LEMD3: variants seen among roughly 807,000 people sequenced by gnomAD.
The protein encoded by LEMD3 is LEM domain containing 3.
LEMD3 carries 33 observed loss-of-function variants against 95.2 expected under a neutral mutation model. The ratio of observed to expected loss-of-function variants is 0.35; its 90% CI spans 0.26 to 0.46. The LOEUF (loss-of-function observed/expected upper bound fraction) is 0.46, where lower values mean the gene tolerates loss of function less well. Ranked by LOEUF, LEMD3 falls within the 20% of genes least tolerant of loss-of-function variation. The pLI is 1.00. For synonymous variants in LEMD3, 525 were observed against 474.6 expected (o/e 1.11, Z -1.38); for missense variants, 1,210 against 1,192.8 (o/e 1.01, Z -0.21).
At chr12:65,213,570 G>C (rs1870010366) in intron 2 of LEMD3, among the ~76,000 whole-genome samples, 1 of 152,160 alleles carries the variant, frequency 6.6e-6, no homozygotes, top group Non-Finnish European at 1.5e-5. Context: ...AAAAACTATA[G>C]TTGAGCTTTC....
In LEMD3 at chr12:65,172,396, G is replaced by C. The variant is rs144456958; in HGVS notation, c.1522+1278G>C. Among the ~76,000 whole-genome samples the C allele has an allele frequency of 8.5e-5, 13 of 152,224 alleles. No individual in the cohort carries two copies. The East Asian group carries it at 2.5e-3, about 29-fold the overall frequency. ...AGTTTTATTTCAAAATAGAGTGAAA[G>C]ATGCAGTTAGCCAACTCAGATAAAG... On this transcript the variant is annotated intron_variant, in intron 1 of 12. Coordinates refer to ENST00000308330, the MANE Select transcript of LEMD3 (RefSeq NM_014319.5).
intron 1 of LEMD3, among the ~76,000 whole-genome samples, chr12:65,202,940 A>G (rs1592442714): frequency 1.3e-5 from 2 of 151,966 alleles, no homozygotes; most frequent in East Asian, 3.9e-4. Flanking sequence ...TCTCTTTCTT[A>G]GCTAGCCCAC....
Position 65,170,975 on chromosome 12 carries a change from A to G in LEMD3, c.1379A>G (p.Glu460Gly), listed in dbSNP as rs1217297629. 1.2e-6 allele frequency: 2 copies of G among 1,614,214 alleles called. No individual in the cohort carries two copies. The highest frequency in any genetic ancestry group is 1.1e-5 in the South Asian group (1 of 91,082). ...GAACTTCTCCAGCAATTTAAACGGG[A>G]GGAGGTGTCCCCAACAGGGAGTTTC... ...EEELLQQFKR[E>G]EVSPTGSFSA... Residue 460 changes from glutamate (E) to glycine (G), a missense_variant, in exon 1 of 13, where the codon GAG (glutamate) becomes GGG (glycine). Glu to Gly is a moderately conservative substitution (Grantham distance 98). Around this residue, in one of 2 missense-constraint regions of LEMD3, gnomAD observed 461 missense variants for 569.8 expected, o/e 0.81. Transcript: ENST00000308330.
In LEMD3 at chr12:65,245,727, G is replaced by C; in HGVS notation, c.2446G>C (p.Asp816His). 1 of 1,613,916 alleles carries C rather than the reference G, an allele frequency of 6.2e-7. No homozygotes were observed. The highest frequency in any genetic ancestry group is 8.5e-7 in the Non-Finnish European group (1 of 1,179,880). Residue 816 changes from aspartate (D) to histidine (H), a missense_variant, in exon 11 of 13, where the codon GAT becomes CAT. Physicochemically the swap from Asp to His is moderately conservative, Grantham distance 81. Transcript: ENST00000308330. ...AGAAGCAATTTTAGAAAAATGCAGTGATAATGATGGCATTGTTCACATTGC... is the reference window on the plus strand; with the variant it reads ...AGAAGCAATTTTAGAAAAATGCAGTCATAATGATGGCATTGTTCACATTGC... ...IQEAILEKCSDNDGIVHIAVD... is the reference protein window; with the variant it reads ...IQEAILEKCSHNDGIVHIAVD...
Position 65,240,223 on chromosome 12 carries a change from T to C in LEMD3, c.2111T>C (p.Ile704Thr). The C allele has an allele frequency of 2.5e-6, 4 of 1,611,774 alleles. No individual in the cohort carries two copies. The highest frequency in any genetic ancestry group is 3.4e-6 in the Non-Finnish European group (4 of 1,177,894). Residue 704 changes from isoleucine to threonine, a missense_variant, in exon 8 of 13, where the codon ATA becomes ACA. Ile to Thr is a moderately conservative substitution (Grantham distance 89). Coordinates refer to ENST00000308330, the MANE Select transcript of LEMD3 (RefSeq NM_014319.5). ...MPIPHVRDSL[I>T]QPHDRKKMKK... ...ATTCCACATGTACGCGATTCCTTAA[T>C]ACAGCCTCATGACAGGTGTGTTCAA... is the stretch of plus-strand genomic sequence containing the variant.
At chr12:65,204,900 A>T (rs1324686394) in intron 1 of LEMD3, among the ~76,000 whole-genome samples, 1 of 152,182 alleles carries the variant, frequency 6.6e-6, no homozygotes, top group East Asian at 1.9e-4. Flanking sequence ...TTGAGTAAAT[A>T]TAAGTAATTT....
At chr12:65,212,977 A>G (rs1869987799) in intron 2 of LEMD3, among the ~76,000 whole-genome samples, 1 of 152,208 alleles carries the variant, frequency 6.6e-6, no homozygotes, top group African/African-American at 2.4e-5. Flanking sequence ...TACTAAAGAT[A>G]ACTGAACCAA....
Position 65,238,711 on chromosome 12 carries a change from T to C in LEMD3, c.1818T>C (p.Thr606=), listed in dbSNP as rs770011862. The change falls in exon 6 of 13, where the codon ACT becomes ACC. Residue 606 remains threonine, a synonymous_variant. Transcript: ENST00000308330. The stretch of plus-strand genomic sequence containing the variant: ...CTGAGGAAGAATTGACAAATATAAC[T>C]GATGTGCAGTTTTTACAGTCCACAA... The part of the protein sequence containing the change: ...FGPEEELTNI[T]DVQFLQSTRP... 22 of 1,613,988 alleles carry C rather than the reference T, an allele frequency of 1.4e-5. No homozygotes were observed. Among genetic ancestry groups the C allele is most frequent in the South Asian group, 5.5e-5 (5 of 91,092 alleles).
At chr12:65,233,577 C>T (rs1342740714) in intron 4 of LEMD3, among the ~76,000 whole-genome samples, 1 of 152,124 alleles carries the variant, frequency 6.6e-6, no homozygotes, top group Non-Finnish European at 1.5e-5. Context: ...AAGGTGCCAT[C>T]TGATGCATAG....
chr12:65,177,567 A>G (rs556681446), intron 1 of LEMD3, among the ~76,000 whole-genome samples: 2 of 152,278 alleles, frequency 1.3e-5, no homozygotes, highest in Non-Finnish European at 2.9e-5. Context: ...GCTCTTGTAG[A>G]TACAGAATTG....
At chr12:65,216,287 A>C (rs1416177763) in intron 3 of LEMD3, among the ~76,000 whole-genome samples, 1 of 151,884 alleles carries the variant, frequency 6.6e-6, no homozygotes, top group African/African-American at 2.4e-5. Flanking sequence ...AGTTGATCAA[A>C]TTTCTTTATT....
In LEMD3 at chr12:65,226,406, A is replaced by G. The variant is rs181460687; in HGVS notation, c.1695+7787A>G. On this transcript the variant is annotated intron_variant, in intron 4 of 12. Transcript: ENST00000308330. ...TAACTAATTTCTGGATTTTTCACAA[A>G]TGGAATTGGTCCATGTATTTTTGTT... Among the ~76,000 whole-genome samples the G allele has an allele frequency of 1.1e-3, 170 of 152,262 alleles. 2 individuals carry two copies. Among genetic ancestry groups the G allele is most frequent in the African/African-American group, 4.0e-3 (166 of 41,562 alleles).
At chr12:65,216,597 A>T (rs1870117966) in intron 3 of LEMD3, among the ~76,000 whole-genome samples, 1 of 151,808 alleles carries the variant, frequency 6.6e-6, no homozygotes, top group East Asian at 1.9e-4. Context: ...TGTAAACTGC[A>T]GTAGCAGCTT....
intron 4 of LEMD3, among the ~76,000 whole-genome samples, chr12:65,221,780 G>A (rs556268692): frequency 2.1e-4 from 28 of 134,568 alleles, no homozygotes; most frequent in Admixed American, 7.3e-4. Context: ...TCACTCTGTC[G>A]CCCAGGCTGG....
At chr12:65,230,316 C>G (rs1027493331) in intron 4 of LEMD3, among the ~76,000 whole-genome samples, 1 of 152,088 alleles carries the variant, frequency 6.6e-6, no homozygotes, top group Admixed American at 6.5e-5. Flanking sequence ...TTGTTTTCTT[C>G]TACTTATGTG....
At chr12:65,198,159 A>G (rs921057375) in intron 1 of LEMD3, among the ~76,000 whole-genome samples, 2 of 152,094 alleles carry the variant, frequency 1.3e-5, no homozygotes, top group African/African-American at 4.8e-5. Flanking sequence ...TTTTACTTGT[A>G]TCTTTTAGTG....
At position 65,238,703 on chromosome 12, in the gene LEMD3, A is replaced by G. The variant is rs185283829; in HGVS notation, c.1810A>G (p.Asn604Asp). The change falls in exon 6 of 13, where the codon AAT becomes GAT. Residue 604 changes from asparagine to aspartate, a missense_variant. Around this residue, in one of 2 missense-constraint regions of LEMD3, gnomAD observed 461 missense variants for 569.8 expected, o/e 0.81. Transcript: ENST00000308330. ...TTTTGGCCCTGAGGAAGAATTGACA[A>G]ATATAACTGATGTGCAGTTTTTACA... Reference protein sequence around the residue: ...VGFGPEEELTNITDVQFLQST... With the variant: ...VGFGPEEELTDITDVQFLQST... The G allele has an allele frequency of 1.9e-5, 30 of 1,614,086 alleles. No individual in the cohort carries two copies. The East Asian group carries it at 2.5e-4, about 13-fold the overall frequency.
intron 4 of LEMD3, among the ~76,000 whole-genome samples, chr12:65,228,006 A>G (rs1870507627): frequency 6.6e-6 from 1 of 152,128 alleles, no homozygotes; most frequent in African/African-American, 2.4e-5. Context: ...GACTGACTGT[A>G]CTGTGTTTGA....
At chr12:65,242,096 T>G (rs1373560296) in intron 9 of LEMD3, among the ~76,000 whole-genome samples, 1 of 152,202 alleles carries the variant, frequency 6.6e-6, no homozygotes, top group East Asian at 1.9e-4. Flanking sequence ...ATGCATGCAT[T>G]TCAGTTTCCC....
Sources: gnomAD v4.1 joint callset for allele counts (sites outside exome capture counted in the v4.1 genomes callset) on GRCh38, gnomAD v4.1.1 for gene constraint, gnomAD v4.1.1 regional missense constraint, MANE v1.5 for transcripts, NCBI Gene and HGNC (gene_info 2026-07-23, HGNC 2026-07-21) for gene names.